Variants in GTF2IRD1 observed in about 807,000 individuals in gnomAD.
The protein encoded by GTF2IRD1 is general transcription factor II-I repeat domain-containing protein 1.
A neutral mutation model predicts 113.2 loss-of-function variants in GTF2IRD1; 26 were observed. The observed-to-expected ratio is 0.23, with a 90% CI of 0.17 to 0.32. The LOEUF (loss-of-function observed/expected upper bound fraction) is 0.32. Among genes scored for constraint, GTF2IRD1 ranks in the 10% least tolerant of loss-of-function variants. The pLI is 1.00. For missense variants in GTF2IRD1, 864 were observed against 1,280.8 expected (o/e 0.67, Z 4.97); for synonymous variants, 484 against 529.1 (o/e 0.91, Z 1.17).
chr7:74,478,513 TG>T (rs1554333952), intron 1 of GTF2IRD1, among the ~76,000 whole-genome samples: 1 of 152,158 alleles, frequency 6.6e-6, no homozygotes, highest in Non-Finnish European at 1.5e-5. Flanking sequence ...TGGAGTGCAG[TG>T]GTGCGATCAT....
At chr7:74,499,717 G>T (rs1000494448) in intron 1 of GTF2IRD1, among the ~76,000 whole-genome samples, 1 of 151,586 alleles carries the variant, frequency 6.6e-6, no homozygotes, top group African/African-American at 2.4e-5. Flanking sequence ...TACACACAAA[G>T]GAATTAATGC....
At chr7:74,505,969 CAGA>C (rs1395107424) in intron 1 of GTF2IRD1, 2 of 152,228 alleles carry the variant, frequency 1.3e-5, no homozygotes, top group Non-Finnish European at 2.9e-5. Flanking sequence ...AATTGCAACC[CAGA>C]AGAAGAAATG....
chr7:74,477,121 T>C (rs1794460636), intron 1 of GTF2IRD1, among the ~76,000 whole-genome samples: 1 of 151,994 alleles, frequency 6.6e-6, no homozygotes, highest in South Asian at 2.1e-4. Context: ...CCCAGCACTT[T>C]GGGAGGCTGA....
intron 24 of GTF2IRD1, among the ~76,000 whole-genome samples, chr7:74,591,267 A>G (rs1297135050): frequency 2.6e-5 from 4 of 151,864 alleles, no homozygotes; most frequent in African/African-American, 7.2e-5. Context: ...ACTTTTTCTG[A>G]CTATACAATT....
intron 1 of GTF2IRD1, among the ~76,000 whole-genome samples, chr7:74,460,852 G>A (rs532057811): frequency 1.6e-4 from 25 of 152,324 alleles, no homozygotes; most frequent in African/African-American, 5.8e-4. Context: ...CCGCCACGGG[G>A]GCGGTTGTGG....
At chr7:74,528,856 T>C (rs1176876505) in intron 8 of GTF2IRD1, among the ~76,000 whole-genome samples, 1 of 144,214 alleles carries the variant, frequency 6.9e-6, no homozygotes, top group Admixed American at 6.9e-5. Flanking sequence ...AAAGGATGGA[T>C]GGATGAATGG....
chr7:74,598,789 G>T (rs1298496424), intron 25 of GTF2IRD1, among the ~76,000 whole-genome samples: 1 of 152,152 alleles, frequency 6.6e-6, no homozygotes, highest in Non-Finnish European at 1.5e-5. Flanking sequence ...ACCAGTCTGA[G>T]ACAGAGGGTG....
chr7:74,601,205 C>G, intron 26 of GTF2IRD1, 25 bp downstream of exon 26: 1 of 1,558,226 alleles, frequency 6.4e-7, no homozygotes, highest in Non-Finnish European at 8.7e-7. Context: ...ATTTGGACTC[C>G]GGCACTCATC....
intron 22 of GTF2IRD1, among the ~76,000 whole-genome samples, chr7:74,563,171 G>A (rs117273065): frequency 0.025 from 3,684 of 149,232 alleles, 64 homozygotes; most frequent in Non-Finnish European, 0.037. Context: ...GTGGGATCTC[G>A]GTGCAAAGAT....
At chr7:74,492,767 C>A (rs1554337037) in intron 1 of GTF2IRD1, among the ~76,000 whole-genome samples, 1 of 151,974 alleles carries the variant, frequency 6.6e-6, no homozygotes, top group East Asian at 1.9e-4. Flanking sequence ...CCTCCAGAGG[C>A]TCTCGGGGGG....
intron 1 of GTF2IRD1, among the ~76,000 whole-genome samples, chr7:74,460,871 G>A (rs1554328972): frequency 6.6e-6 from 1 of 152,204 alleles, no homozygotes; most frequent in East Asian, 1.9e-4. Flanking sequence ...GGACTTGAGG[G>A]GCTGACCCCA....
At chr7:74,468,064 A>G (rs906061873) in intron 1 of GTF2IRD1, among the ~76,000 whole-genome samples, 1 of 151,976 alleles carries the variant, frequency 6.6e-6, no homozygotes, top group Non-Finnish European at 1.5e-5. Context: ...CTGAATCCTG[A>G]CTACTAGCCT....
chr7:74,467,022 C>G (rs1223563579), intron 1 of GTF2IRD1, among the ~76,000 whole-genome samples: 1 of 151,106 alleles, frequency 6.6e-6, no homozygotes, highest in African/African-American at 2.4e-5. Context: ...ATGATCTCGG[C>G]TCACTGCAAC....
chr7:74,476,934 TCAGCGTCCCA>T (rs1335857950), intron 1 of GTF2IRD1, among the ~76,000 whole-genome samples: 4 of 152,068 alleles, frequency 2.6e-5, no homozygotes, highest in African/African-American at 9.7e-5. Flanking sequence ...GAGCACTTAG[TCAGCGTCCCA>T]CAGCATCTAA....
intron 1 of GTF2IRD1, among the ~76,000 whole-genome samples, chr7:74,466,144 C>T (rs1029235023): frequency 2.0e-5 from 3 of 152,176 alleles, no homozygotes; most frequent in African/African-American, 7.2e-5. Flanking sequence ...CTTGGCCTGC[C>T]GACCCCTTAG....
intron 9 of GTF2IRD1, among the ~76,000 whole-genome samples, chr7:74,534,640 T>C (rs970075750): frequency 5.9e-5 from 9 of 151,818 alleles, no homozygotes; most frequent in Non-Finnish European, 1.0e-4. Flanking sequence ...GTTTTCACGC[T>C]GAGAGACCCC....
At chr7:74,547,899 C>T (rs187573648) in intron 17 of GTF2IRD1, among the ~76,000 whole-genome samples, 60 of 152,068 alleles carry the variant, frequency 3.9e-4, no homozygotes, top group Non-Finnish European at 7.5e-4. Flanking sequence ...TGTTCAGTTT[C>T]CCCAGATGCA....
rs587614856 is a variant in GTF2IRD1 at position 74,538,105 on chromosome 7, G to A, written c.1410-31G>A. 1.1e-5 allele frequency: 18 copies of A among 1,610,240 alleles called. No individual in the cohort carries two copies. The East Asian group carries it at 4.0e-4, about 36-fold the overall frequency. ...GGGCAGGGTGGCCCTGGACTTGGCT[G>A]ACAGGTGTCATTTCCTGCTTCCCTT... On this transcript the variant is annotated intron_variant, in intron 11 of 26. Coordinates refer to ENST00000424337, the MANE Select transcript of GTF2IRD1 (RefSeq NM_005685.4).
Position 74,512,399 on chromosome 7 carries a change from C to T in GTF2IRD1, c.124-431C>T, listed in dbSNP as rs1414823664. On this transcript the variant is annotated intron_variant, in intron 2 of 26. Coordinates refer to ENST00000424337, the MANE Select transcript of GTF2IRD1 (RefSeq NM_005685.4). The surrounding 1 kb of genome is among the most constrained non-coding windows in gnomAD (Gnocchi z 4.4). Reference sequence around the variant, plus strand: ...TGGAAACTGGAGCCCAGAGGAGGGACGTGACTTGCTCAAGTCCCACAGCAG... The same window carrying T: ...TGGAAACTGGAGCCCAGAGGAGGGATGTGACTTGCTCAAGTCCCACAGCAG... 6.6e-6 allele frequency among the ~76,000 whole-genome samples: 1 copy of T among 152,112 alleles called. No homozygotes were observed.
Sources: gnomAD v4.1 joint callset for allele counts (sites outside exome capture counted in the v4.1 genomes callset) on GRCh38, gnomAD v4.1.1 for gene constraint, Gnocchi (gnomAD v3.1) non-coding constraint, MANE v1.5 for transcripts, NCBI Gene and HGNC (gene_info 2026-07-23, HGNC 2026-07-21) for gene names.